The following HCRTR2 variants were observed in gnomAD, a reference collection of about 807,000 sequenced individuals.
HCRTR2 encodes the protein hypocretin receptor 2.
HCRTR2 carries 22 observed loss-of-function variants against 49.0 expected under a neutral mutation model. That is an observed-to-expected ratio of 0.45 (90% CI 0.32 to 0.64). The LOEUF is 0.64. HCRTR2 is among the 30% of genes least tolerant of loss of function. HCRTR2 has a pLI of 0.04. For missense variants in HCRTR2, 491 were observed against 559.4 expected (o/e 0.88, Z 1.23); for synonymous variants, 236 against 205.3 (o/e 1.15, Z -1.28).
intron 1 of HCRTR2, among the ~76,000 whole-genome samples, chr6:55,157,327 GT>G (rs1201636669): frequency 3.3e-5 from 5 of 152,304 alleles, no homozygotes; most frequent in African/African-American, 1.2e-4. Flanking sequence ...GAATGTACAA[GT>G]TTTATGTACT....
At chr6:55,137,242 A>G (rs1764445918) in intron 1 of HCRTR2, among the ~76,000 whole-genome samples, 2 of 152,200 alleles carry the variant, frequency 1.3e-5, no homozygotes, top group Non-Finnish European at 2.9e-5. Flanking sequence ...AACCCTTCAG[A>G]GTAGATACAA....
chr6:55,174,637 C>T lies in HCRTR2; in HGVS notation c.50C>T (p.Ser17Phe). Residue 17 changes from serine (S) to phenylalanine (F), a missense_variant, in exon 1 of 7, where the codon TCT (serine) becomes TTT (phenylalanine). Transcript: ENST00000370862. ...EDSPPCRNWS[S>F]ASELNETQEP... is the part of the protein sequence containing the mutation. ...TCCCCCCCTTGTCGCAACTGGTCAT[C>T]TGCTTCGGAGCTGAATGAAACTCAA... is the stretch of plus-strand genomic sequence containing the variant. 1 of 1,614,098 alleles carries T rather than the reference C, an allele frequency of 6.2e-7. No individual in the cohort carries two copies. Among genetic ancestry groups the T allele is most frequent in the Non-Finnish European group, 8.5e-7 (1 of 1,180,030 alleles).
chr6:55,130,386 G>GTT (rs138470553), intron 1 of HCRTR2, among the ~76,000 whole-genome samples: 47 of 145,212 alleles, frequency 3.2e-4, no homozygotes, highest in African/African-American at 1.1e-3. Context: ...TTGTTGTTTT[G>GTT]TTTTTTTTTT....
intron 4 of HCRTR2, among the ~76,000 whole-genome samples, chr6:55,274,358 TGC>T (rs1554183732): frequency 1.4e-4 from 20 of 147,168 alleles, no homozygotes; most frequent in South Asian, 2.1e-4. Flanking sequence ...ATGAAATGTA[TGC>T]CTAAAACACA....
chr6:55,201,514 G>A (rs1385934496), intron 1 of HCRTR2, among the ~76,000 whole-genome samples: 3 of 152,024 alleles, frequency 2.0e-5, no homozygotes, highest in Non-Finnish European at 4.4e-5. Flanking sequence ...AATTTACAAT[G>A]AGAAAAAACT....
At chr6:55,128,414 T>G (rs577234898) in intron 1 of HCRTR2, among the ~76,000 whole-genome samples, 8 of 152,318 alleles carry the variant, frequency 5.3e-5, no homozygotes, top group African/African-American at 1.9e-4. Flanking sequence ...CGCTCTTTTT[T>G]GGTTCCATTT....
intron 1 of HCRTR2, among the ~76,000 whole-genome samples, chr6:55,115,287 C>T (rs1195748160): frequency 6.6e-6 from 1 of 151,650 alleles, no homozygotes; most frequent in Non-Finnish European, 1.5e-5. Flanking sequence ...GTGTTGATCA[C>T]TTCTAGTTCT....
intron 1 of HCRTR2, among the ~76,000 whole-genome samples, chr6:55,139,382 A>C (rs1056742512): frequency 6.6e-6 from 1 of 152,220 alleles, no homozygotes; most frequent in African/African-American, 2.4e-5. Flanking sequence ...GAAGCAAGTC[A>C]GAAGCCCTCC....
chr6:55,152,114 C>A (rs1346839869), intron 1 of HCRTR2, among the ~76,000 whole-genome samples: 1 of 151,878 alleles, frequency 6.6e-6, no homozygotes, highest in Non-Finnish European at 1.5e-5. Context: ...GCCTGCATAA[C>A]CAAGTTCTAT....
chr6:55,128,207 G>A (rs969869936), intron 1 of HCRTR2, among the ~76,000 whole-genome samples: 13 of 151,980 alleles, frequency 8.6e-5, no homozygotes, highest in Non-Finnish European at 1.0e-4. Context: ...GCTTTTGTCC[G>A]GTTTGTCAAA....
intron 1 of HCRTR2, among the ~76,000 whole-genome samples, chr6:55,123,998 A>G (rs1764239703): frequency 6.6e-6 from 1 of 151,926 alleles, no homozygotes; most frequent in Non-Finnish European, 1.5e-5. Flanking sequence ...TATTGTGTCT[A>G]TTTGATTCTT....
intron 1 of HCRTR2, among the ~76,000 whole-genome samples, chr6:55,195,992 A>G (rs754899296): frequency 8.1e-4 from 123 of 152,352 alleles, no homozygotes; most frequent in Non-Finnish European, 1.5e-3. Flanking sequence ...CAACAACAAC[A>G]ACAACAAAAA....
At chr6:55,153,546 G>GA (rs1038466180) in intron 1 of HCRTR2, among the ~76,000 whole-genome samples, 21 of 151,992 alleles carry the variant, frequency 1.4e-4, no homozygotes, top group African/African-American at 4.8e-4. Context: ...AGTCATTGAT[G>GA]AAAACATCAT....
At chr6:55,117,205 G>A (rs760863036) in intron 1 of HCRTR2, among the ~76,000 whole-genome samples, 12 of 151,790 alleles carry the variant, frequency 7.9e-5, no homozygotes, top group Non-Finnish European at 1.8e-4. Context: ...CAATACTTGA[G>A]TACAAATTTA....
At chr6:55,205,612 C>T (rs1765586998) in intron 1 of HCRTR2, among the ~76,000 whole-genome samples, 1 of 151,816 alleles carries the variant, frequency 6.6e-6, no homozygotes, top group Non-Finnish European at 1.5e-5. Flanking sequence ...GACATTTATA[C>T]TGACAATTCC....
chr6:55,255,022 C>A, intron 2 of HCRTR2, 114 bp from the exon 3 acceptor site: 3 of 1,135,718 alleles, frequency 2.6e-6, no homozygotes, highest in Non-Finnish European at 3.8e-6. Flanking sequence ...TTATTTTTGG[C>A]AGCTTTGAAT....
chr6:55,280,201 AATCTGT>A (rs1767161830), intron 5 of HCRTR2, 116 bp from the exon 6 acceptor site: 1 of 697,660 alleles, frequency 1.4e-6, no homozygotes, highest in African/African-American at 1.8e-5. Flanking sequence ...GTCAGAAACC[AATCTGT>A]GGTCAATTCC....
At position 55,174,817 on chromosome 6, in the gene HCRTR2, C is replaced by A; in HGVS notation, c.223+7C>A. ...CTCATTGGGAACGTCCTGGGTGAGT[C>A]TCCTCCCGGGCAGCCCTCCTAGGGG... On this transcript the variant is annotated splice_region_variant and intron_variant, in intron 1 of 6. Coordinates refer to ENST00000370862, the MANE Select transcript of HCRTR2 (RefSeq NM_001384272.1). 1 of 1,611,486 alleles carries A rather than the reference C, an allele frequency of 6.2e-7. No individual in the cohort carries two copies. Among genetic ancestry groups the A allele is most frequent in the Non-Finnish European group, 8.5e-7 (1 of 1,177,692 alleles).
chr6:55,264,337 G>T (rs879308467), intron 4 of HCRTR2, among the ~76,000 whole-genome samples: 9 of 152,066 alleles, frequency 5.9e-5, no homozygotes, highest in Non-Finnish European at 1.0e-4. Context: ...TTTAAAAACT[G>T]TATATAATGC....
Sources: gnomAD v4.1 joint callset for allele counts (sites outside exome capture counted in the v4.1 genomes callset) on GRCh38, gnomAD v4.1.1 for gene constraint, MANE v1.5 for transcripts, NCBI Gene and HGNC (gene_info 2026-07-23, HGNC 2026-07-21) for gene names.